PLCL1: variants seen among roughly 807,000 people sequenced by gnomAD.
PLCL1 encodes the protein inactive phospholipase C-like protein 1.
PLCL1 carries 41 observed loss-of-function variants against 84.4 expected under a neutral mutation model. That is an observed-to-expected ratio of 0.49 (90% CI 0.38 to 0.63). The LOEUF (loss-of-function observed/expected upper bound fraction) is 0.63. Among genes scored for constraint, PLCL1 ranks in the 30% least tolerant of loss-of-function variants. The pLI is 0.00. For synonymous variants in PLCL1, 490 were observed against 488.3 expected, an observed-to-expected ratio of 1.00 and a Z score of -0.05; for missense variants, 1,206 against 1,367.8, an observed-to-expected ratio of 0.88 and a Z score of 1.87.
chr2:197,944,028 T>A (rs1363541609), intron 1 of PLCL1, among the ~76,000 whole-genome samples: 1 of 152,220 alleles, frequency 6.6e-6, no homozygotes, highest in Non-Finnish European at 1.5e-5. Flanking sequence ...TCTTCTTGGT[T>A]TATTCCTTTG....
intron 1 of PLCL1, among the ~76,000 whole-genome samples, chr2:197,888,079 G>C (rs1687953314): frequency 6.6e-6 from 1 of 151,056 alleles, no homozygotes; most frequent in Non-Finnish European, 1.5e-5. Context: ...GCGACAGTGA[G>C]ACACTGTCTG....
At chr2:198,050,642 T>C (rs1033798463) in intron 1 of PLCL1, among the ~76,000 whole-genome samples, 15 of 152,234 alleles carry the variant, frequency 9.9e-5, no homozygotes, top group Non-Finnish European at 2.2e-4. Context: ...CTCACAACAT[T>C]CCTTTGGCTT....
chr2:198,021,055 A>C (rs1691120957), intron 1 of PLCL1, among the ~76,000 whole-genome samples: 1 of 152,242 alleles, frequency 6.6e-6, no homozygotes, highest in African/African-American at 2.4e-5. Flanking sequence ...AGTCTCTCAG[A>C]CCACAGTGCA....
At chr2:197,940,775 A>G (rs1444362295) in intron 1 of PLCL1, among the ~76,000 whole-genome samples, 1 of 152,190 alleles carries the variant, frequency 6.6e-6, no homozygotes, top group East Asian at 1.9e-4. Flanking sequence ...TGCCTTTTCC[A>G]TTGTGCTCTA....
intron 1 of PLCL1, among the ~76,000 whole-genome samples, chr2:197,975,684 T>C (rs538463706): frequency 2.0e-4 from 31 of 152,214 alleles, no homozygotes; most frequent in African/African-American, 7.0e-4. Flanking sequence ...CACATGCCTA[T>C]AGTTCCAGCT....
intron 3 of PLCL1, among the ~76,000 whole-genome samples, chr2:198,097,053 T>C (rs1693216247): frequency 1.3e-5 from 2 of 152,204 alleles, no homozygotes; most frequent in African/African-American, 4.8e-5. Context: ...TCCATCACTG[T>C]CTCTTATTGT....
chr2:197,824,713 C>CAAAAA (rs1163183876), intron 1 of PLCL1, among the ~76,000 whole-genome samples: 1 of 55,532 alleles, frequency 1.8e-5, no homozygotes, highest in Admixed American at 2.0e-4. Context: ...GACCCTGTCT[C>CAAAAA]AAAAAAAAAA....
intron 1 of PLCL1, among the ~76,000 whole-genome samples, chr2:197,971,547 C>G (rs1689864761): frequency 6.6e-6 from 1 of 152,070 alleles, no homozygotes; most frequent in Non-Finnish European, 1.5e-5. Flanking sequence ...GGAGGTGACA[C>G]AGGGGAAGGG....
intron 1 of PLCL1, among the ~76,000 whole-genome samples, chr2:197,938,273 A>G (rs1689087220): frequency 6.6e-6 from 1 of 152,104 alleles, no homozygotes; most frequent in South Asian, 2.1e-4. Flanking sequence ...ATCCACCTCC[A>G]TTGTCATACT....
intron 1 of PLCL1, among the ~76,000 whole-genome samples, chr2:197,985,320 C>T (rs539434364): frequency 1.3e-5 from 2 of 152,252 alleles, no homozygotes; most frequent in East Asian, 3.9e-4. Flanking sequence ...TTATGTAGAG[C>T]ATATTGCAGT....
At chr2:197,841,059 T>A (rs1686990954) in intron 1 of PLCL1, among the ~76,000 whole-genome samples, 1 of 152,218 alleles carries the variant, frequency 6.6e-6, no homozygotes, top group Non-Finnish European at 1.5e-5. Flanking sequence ...ACAGAAAATT[T>A]GAGCAGAAAG....
intron 1 of PLCL1, 62 bp from the exon 2 acceptor site, chr2:198,083,696 T>C (rs1163186903): frequency 5.1e-5 from 54 of 1,048,650 alleles, no homozygotes; most frequent in Non-Finnish European, 7.4e-5. Flanking sequence ...GTTCATAGAG[T>C]GTTACTGAAT....
At chr2:197,825,002 CT>C (rs894176569) in intron 1 of PLCL1, among the ~76,000 whole-genome samples, 4 of 151,710 alleles carry the variant, frequency 2.6e-5, no homozygotes, top group Admixed American at 6.6e-5. Flanking sequence ...GCAATATTGC[CT>C]TTTTTTTCTG....
rs1418917716 is a variant in PLCL1, at chr2:198,085,338, A to G, written c.1821A>G (p.Gln607=). ...ATTTTGAACTATCTATGAAAAGCCA[A>G]AACTATTGGGAAATGTGTTCATTTA... ...YRDFELSMKS[Q]NYWEMCSFSE... is the part of the protein sequence containing the mutation. Residue 607 remains glutamine, a synonymous_variant, in exon 2 of 6, where the codon CAA becomes CAG. Transcript: ENST00000428675. This position sits in a 1 kb window ranked among gnomAD's most constrained non-coding sequence, Gnocchi z 5.3. 8 of 1,613,476 alleles carry G rather than the reference A, an allele frequency of 5.0e-6. No individual in the cohort carries two copies. In the South Asian group the frequency reaches 8.8e-5, roughly 18 times the overall value.
chr2:198,003,456 G>A (rs1200338965), intron 1 of PLCL1, among the ~76,000 whole-genome samples: 1 of 152,140 alleles, frequency 6.6e-6, no homozygotes, highest in Non-Finnish European at 1.5e-5. Flanking sequence ...GTCACATCTT[G>A]GAATTATGTG....
At position 198,062,517 on chromosome 2, in the gene PLCL1, C is replaced by G. The variant is rs552254847; in HGVS notation, c.241-21241C>G. On this transcript the variant is annotated intron_variant, in intron 1 of 5. Transcript: ENST00000428675. ...TGACTCCCTATTATATTGCAATACCCTTCCTCTTTTTTTCTGAACTAACAA... is the reference window on the plus strand; with the variant it reads ...TGACTCCCTATTATATTGCAATACCGTTCCTCTTTTTTTCTGAACTAACAA... Among the ~76,000 whole-genome samples, 3 of 152,088 alleles carry G rather than the reference C, an allele frequency of 2.0e-5. No individual in the cohort carries two copies. In the South Asian group the frequency reaches 6.2e-4, roughly 32 times the overall value.
intron 5 of PLCL1, among the ~76,000 whole-genome samples, chr2:198,108,467 C>G (rs1693542077): frequency 6.6e-6 from 1 of 151,748 alleles, no homozygotes; most frequent in Non-Finnish European, 1.5e-5. Context: ...AGAAATGTGC[C>G]CTCAGCAAGT....
intron 1 of PLCL1, among the ~76,000 whole-genome samples, chr2:198,076,573 A>G (rs1015145012): frequency 1.3e-5 from 2 of 152,172 alleles, no homozygotes; most frequent in Non-Finnish European, 2.9e-5. Flanking sequence ...GGGACCCACT[A>G]GGGAAGGCCA....
intron 1 of PLCL1, among the ~76,000 whole-genome samples, chr2:198,023,626 G>A (rs910580626): frequency 6.6e-6 from 1 of 152,208 alleles, no homozygotes; most frequent in Non-Finnish European, 1.5e-5. Context: ...CATTTATTCG[G>A]CCAATGAACA....
Sources: gnomAD v4.1 joint callset for allele counts (sites outside exome capture counted in the v4.1 genomes callset) on GRCh38, gnomAD v4.1.1 for gene constraint, Gnocchi (gnomAD v3.1) non-coding constraint, MANE v1.5 for transcripts, NCBI Gene and HGNC (gene_info 2026-07-23, HGNC 2026-07-21) for gene names.